Variants in LDAF1 observed in about 807,000 individuals in gnomAD.
LDAF1 encodes PROMETHIN.
LDAF1 carries 7 observed loss-of-function variants against 13.5 expected under a neutral mutation model. The ratio of observed to expected loss-of-function variants is 0.52; its 90% CI spans 0.29 to 0.97. The LOEUF (loss-of-function observed/expected upper bound fraction) is 0.97, where lower values mean the gene tolerates loss of function less well. Ranked by LOEUF, LDAF1 falls within the 50% of genes least tolerant of loss-of-function variation. The pLI is 0.07. For missense variants in LDAF1, 148 were observed against 193.2 expected (o/e 0.77, Z 1.39); for synonymous variants, 69 against 77.1 (o/e 0.89, Z 0.55).
In LDAF1 at chr16:21,169,299, A is replaced by G. The variant is rs1000658086; in HGVS notation, c.97-1138A>G. The G allele has an allele frequency of 1.6e-5, 5 of 312,712 alleles. 1 individual carries two copies. The Admixed American group carries it at 2.6e-4, about 16-fold the overall frequency. 19.4% of individuals were successfully genotyped at this position (312,712 alleles called of 1,614,324 possible). A position where few individuals can be genotyped will look rare whatever the true frequency, so the allele number is the denominator to read the frequency against. Reference sequence around the variant, plus strand: ...GATTCATCAGGGCCTGAGATTCTGCATTTCCTTTTTTTTTCCCCTTTTTCT... The same window carrying G: ...GATTCATCAGGGCCTGAGATTCTGCGTTTCCTTTTTTTTTCCCCTTTTTCT... On this transcript the variant is annotated intron_variant, in intron 2 of 4. Coordinates refer to ENST00000233047, the MANE Select transcript of LDAF1 (RefSeq NM_001301771.2).
At chr16:21,177,402 G>A (rs1374754145) in intron 4 of LDAF1, 1 of 152,074 alleles carries the variant, frequency 6.6e-6, no homozygotes, top group Non-Finnish European at 1.5e-5. Flanking sequence ...CTTCAGGTCT[G>A]TGTCACACTT....
At chr16:21,160,105 T>C in intron 1 of LDAF1, 1 of 319,122 alleles carries the variant, frequency 3.1e-6, no homozygotes, top group Non-Finnish European at 4.5e-6. Context: ...AATTACCCCC[T>C]ATATGATAAA....
rs557450493 is a variant in LDAF1, at chr16:21,163,941, A to G, written c.96+2663A>G. ...GATCTCCAACTCCTGACCTCAGGCAATCCACCCACTTCGGCCTCCCAAAGT... is the reference window on the plus strand; with the variant it reads ...GATCTCCAACTCCTGACCTCAGGCAGTCCACCCACTTCGGCCTCCCAAAGT... On this transcript the variant is annotated intron_variant, in intron 2 of 4. Coordinates refer to ENST00000233047, the MANE Select transcript of LDAF1 (RefSeq NM_001301771.2). Among the ~76,000 whole-genome samples, 324 of 152,282 alleles carry G rather than the reference A, an allele frequency of 2.1e-3. 1 individual carries two copies. The highest frequency in any genetic ancestry group is 3.2e-3 in the Non-Finnish European group (220 of 68,020).
At chr16:21,166,926 A>G (rs2093029785) in intron 2 of LDAF1, 2 of 1,534,996 alleles carry the variant, frequency 1.3e-6, no homozygotes, top group Admixed American at 2.0e-5. Context: ...TTCCTGCTAC[A>G]GTCATCTCTG....
chr16:21,179,423 T>G, intron 4 of LDAF1, 52 bp from the exon 5 acceptor site: 1 of 1,613,562 alleles, frequency 6.2e-7, no homozygotes, highest in Non-Finnish European at 8.5e-7. Context: ...ACTTCCAACG[T>G]TGCTCTTTAC....
chr16:21,165,364 T>C (rs1174613585), intron 2 of LDAF1, among the ~76,000 whole-genome samples: 1 of 152,106 alleles, frequency 6.6e-6, no homozygotes, highest in Non-Finnish European at 1.5e-5. Flanking sequence ...TGAGCCGAGA[T>C]CATGCCATTG....
Position 21,174,155 on chromosome 16 carries a change from A to G in LDAF1, c.404+7A>G, listed in dbSNP as rs1244890173. 1.3e-6 allele frequency: 2 copies of G among 1,594,370 alleles called. No individual in the cohort carries two copies. The highest frequency in any genetic ancestry group is 1.7e-6 in the Non-Finnish European group (2 of 1,174,870). Reference sequence around the variant, plus strand: ...GCTGCTGGTTTTCTCCCAGGTAAATACATGTCCATGAAATAATTTATTTTT... The same window carrying G: ...GCTGCTGGTTTTCTCCCAGGTAAATGCATGTCCATGAAATAATTTATTTTT... On this transcript the variant is annotated splice_region_variant and intron_variant, in intron 4 of 4. Transcript: ENST00000233047.
intron 2 of LDAF1, chr16:21,165,707 G>A: frequency 1.3e-6 from 1 of 745,448 alleles, no homozygotes; most frequent in Non-Finnish European, 1.6e-6. Flanking sequence ...TCATAGTTCT[G>A]CTCAAATGAC....
rs1452445284 is a variant in LDAF1, at chr16:21,180,320, A to C, written c.*764A>C. ...CAGTCTCGGCTCACTGCAACCTCCA[A>C]CTCCCAGGTTCAAGTGAGTCTCGTG... On this transcript the variant is annotated 3_prime_UTR_variant, in exon 5 of 5. Transcript: ENST00000233047. The C allele has an allele frequency of 9.1e-5, 13 of 143,186 alleles. No homozygotes were observed. The highest frequency in any genetic ancestry group is 3.4e-4 in the African/African-American group (13 of 38,766). 8.9% of individuals were successfully genotyped at this position (143,186 alleles called of 1,614,324 possible).
intron 2 of LDAF1, among the ~76,000 whole-genome samples, chr16:21,168,301 C>T (rs2152845196): frequency 6.6e-6 from 1 of 152,030 alleles, no homozygotes; most frequent in African/African-American, 2.4e-5. Flanking sequence ...AGGTATGAGC[C>T]ACCATGCTGG....
chr16:21,160,602 G>C (rs1413612264), intron 1 of LDAF1, among the ~76,000 whole-genome samples: 2 of 152,162 alleles, frequency 1.3e-5, no homozygotes, highest in East Asian at 3.8e-4. Context: ...GAAATAGTGT[G>C]TTCAGCTTTC....
chr16:21,179,184 T>G (rs1036812909), intron 4 of LDAF1: 4 of 234,266 alleles, frequency 1.7e-5, no homozygotes, highest in Non-Finnish European at 2.8e-5. Flanking sequence ...ATGGCTACTC[T>G]TAATCTACCA....
At chr16:21,166,458 T>C (rs1214794990) in intron 2 of LDAF1, among the ~76,000 whole-genome samples, 5 of 152,228 alleles carry the variant, frequency 3.3e-5, no homozygotes, top group African/African-American at 1.2e-4. Flanking sequence ...TTAAATTAAA[T>C]TGGAAATCCA....
At chr16:21,168,361 A>T (rs1452294317) in intron 2 of LDAF1, among the ~76,000 whole-genome samples, 1 of 151,858 alleles carries the variant, frequency 6.6e-6, no homozygotes, top group Admixed American at 6.6e-5. Context: ...AGGCTGTGCG[A>T]CTCTAGACAA....
At position 21,170,556 on chromosome 16, in the gene LDAF1, C is replaced by T. The variant is rs143282378; in HGVS notation, c.216C>T (p.Ile72=). ...SAVPVGFFLL[I]VVLTTLAALL... ...TTCCTGTTGGATTCTTCCTGCTCAT[C>T]GTGGTGCTTACCACCCTGGCTGCTC... Residue 72 remains isoleucine, a synonymous_variant, in exon 3 of 5, where the codon ATC becomes ATT. Coordinates refer to ENST00000233047, the MANE Select transcript of LDAF1 (RefSeq NM_001301771.2). 1.0e-3 allele frequency: 1,690 copies of T among 1,614,172 alleles called. 26 individuals carry two copies. The South Asian group carries it at 0.016, about 15-fold the overall frequency.
At chr16:21,177,295 T>A (rs1335919523) in intron 4 of LDAF1, 1 of 150,544 alleles carries the variant, frequency 6.6e-6, no homozygotes, top group Non-Finnish European at 1.5e-5. Context: ...TTTAAACGAT[T>A]GTGGATATTC....
rs1313485323 is a variant in LDAF1, at chr16:21,161,035, G to A, written c.-98-50G>A. ...TATGAGGATGGTAGAAGCTCTCGTC[G>A]AACCAGATGGATGAAGACCACTAAC... On this transcript the variant is annotated intron_variant, in intron 1 of 4. Coordinates refer to ENST00000233047, the MANE Select transcript of LDAF1 (RefSeq NM_001301771.2). The A allele has an allele frequency of 1.1e-5, 16 of 1,412,354 alleles. No homozygotes were observed. The Admixed American group carries it at 2.2e-4, about 20-fold the overall frequency. 87.5% of individuals were successfully genotyped at this position (1,412,354 alleles called of 1,614,324 possible). A position where few individuals can be genotyped will look rare whatever the true frequency, so the allele number is the denominator to read the frequency against.
chr16:21,179,310 T>A, intron 4 of LDAF1, 165 bp from the exon 5 acceptor site: 2 of 979,038 alleles, frequency 2.0e-6, no homozygotes, highest in Non-Finnish European at 2.4e-6. Context: ...TTTAACCTCC[T>A]GTGCCCTCAG....
chr16:21,159,311 GA>G (rs1433221168), intron 1 of LDAF1: 1 of 1,607,178 alleles, frequency 6.2e-7, no homozygotes, highest in South Asian at 1.1e-5. Context: ...CTGGGACGCG[GA>G]CCCCCTCTCC....
Sources: allele counts gnomAD v4.1 joint callset (sites outside exome capture counted in the v4.1 genomes callset), GRCh38; gene constraint gnomAD v4.1.1; transcripts MANE v1.5; gene names NCBI Gene and HGNC (gene_info 2026-07-23, HGNC 2026-07-21).